SLC9A9: variants seen among roughly 807,000 people sequenced by gnomAD.
SLC9A9 encodes sodium/hydrogen exchanger 9.
A neutral mutation model predicts 77.8 loss-of-function variants in SLC9A9; 62 were observed. The ratio of observed to expected loss-of-function variants is 0.80; its 90% CI spans 0.65 to 0.98. The LOEUF (loss-of-function observed/expected upper bound fraction) is 0.98, where lower values mean the gene tolerates loss of function less well. Ranked by LOEUF, SLC9A9 falls within the 50% of genes least tolerant of loss-of-function variation. SLC9A9 has a pLI of 0.00. For synonymous variants in SLC9A9, 320 were observed against 283.5 expected, an observed-to-expected ratio of 1.13 and a Z score of -1.29; for missense variants, 775 against 774.9, an observed-to-expected ratio of 1.00 and a Z score of 0.00.
At chr3:143,568,285 T>G (rs1024668527) in intron 8 of SLC9A9, among the ~76,000 whole-genome samples, 3 of 152,100 alleles carry the variant, frequency 2.0e-5, no homozygotes, top group African/African-American at 7.2e-5. Flanking sequence ...TCAGATGTCC[T>G]AATTCTCTTT....
intron 12 of SLC9A9, among the ~76,000 whole-genome samples, chr3:143,400,622 A>T (rs1186441194): frequency 6.6e-6 from 1 of 151,940 alleles, no homozygotes; most frequent in Non-Finnish European, 1.5e-5. Flanking sequence ...AAATCTCACA[A>T]ATCACCACAA....
intron 9 of SLC9A9, among the ~76,000 whole-genome samples, chr3:143,540,492 A>G (rs2036669522): frequency 6.6e-6 from 1 of 152,210 alleles, no homozygotes; most frequent in Non-Finnish European, 1.5e-5. Flanking sequence ...TCCTCTGTTA[A>G]GGGGACAGGG....
At chr3:143,574,429 A>T (rs1647827625) in intron 7 of SLC9A9, among the ~76,000 whole-genome samples, 1 of 152,184 alleles carries the variant, frequency 6.6e-6, no homozygotes, top group Non-Finnish European at 1.5e-5. Context: ...TGTTCAGATT[A>T]AAAAGGTGTC....
At chr3:143,527,017 T>C (rs2036419151) in intron 9 of SLC9A9, among the ~76,000 whole-genome samples, 1 of 152,188 alleles carries the variant, frequency 6.6e-6, no homozygotes, top group South Asian at 2.1e-4. Context: ...GAGAGCTCTA[T>C]TCTTATTTTA....
chr3:143,541,786 T>C (rs1194446499), intron 9 of SLC9A9, among the ~76,000 whole-genome samples: 2 of 152,222 alleles, frequency 1.3e-5, no homozygotes, highest in African/African-American at 2.4e-5. Context: ...TTTCATGACT[T>C]AAAATTTCCA....
chr3:143,404,063 T>C (rs925320839), intron 12 of SLC9A9, among the ~76,000 whole-genome samples: 4 of 152,178 alleles, frequency 2.6e-5, no homozygotes, highest in African/African-American at 7.2e-5. Context: ...TCAAGTTCAC[T>C]GACTATTTCT....
chr3:143,451,858 T>C (rs535364291), intron 12 of SLC9A9, among the ~76,000 whole-genome samples: 1 of 152,220 alleles, frequency 6.6e-6, no homozygotes, highest in African/African-American at 2.4e-5. Context: ...CATGATATGA[T>C]TGGCAAATAT....
chr3:143,356,827 C>T (rs2032605551), intron 14 of SLC9A9, among the ~76,000 whole-genome samples: 1 of 152,146 alleles, frequency 6.6e-6, no homozygotes, highest in Admixed American at 6.5e-5. Flanking sequence ...TTTCAGGAAG[C>T]TTTAATTCCA....
intron 4 of SLC9A9, among the ~76,000 whole-genome samples, chr3:143,745,672 G>A (rs1935184219): frequency 6.6e-6 from 1 of 152,094 alleles, no homozygotes; most frequent in Non-Finnish European, 1.5e-5. Flanking sequence ...GAGCCATATA[G>A]GTTTTGAATT....
intron 14 of SLC9A9, among the ~76,000 whole-genome samples, chr3:143,361,382 T>A (rs1399612588): frequency 6.6e-6 from 1 of 152,188 alleles, no homozygotes; most frequent in Non-Finnish European, 1.5e-5. Context: ...GAGGGGCTAA[T>A]CTCTACACTG....
chr3:143,517,229 G>A, intron 9 of SLC9A9: 2 of 1,261,144 alleles, frequency 1.6e-6, no homozygotes, highest in Non-Finnish European at 2.3e-6. Flanking sequence ...ATCCTGGAAG[G>A]CCACCATAAC....
intron 2 of SLC9A9, among the ~76,000 whole-genome samples, chr3:143,804,269 G>A (rs1404576641): frequency 6.6e-6 from 1 of 152,100 alleles, no homozygotes; most frequent in Admixed American, 6.5e-5. Flanking sequence ...CACTTACCCT[G>A]TATTTCACTC....
chr3:143,574,046 A>T, intron 8 of SLC9A9, 42 bp downstream of exon 8: 1 of 1,549,862 alleles, frequency 6.5e-7, no homozygotes, highest in East Asian at 2.3e-5. Flanking sequence ...AGCCACACAC[A>T]TATTCACACA....
At chr3:143,313,696 C>A (rs1416849848) in intron 14 of SLC9A9, among the ~76,000 whole-genome samples, 1 of 152,182 alleles carries the variant, frequency 6.6e-6, no homozygotes, top group Non-Finnish European at 1.5e-5. Context: ...AATCTTTTGA[C>A]CTCTTGGCTT....
rs1385931351 is a variant in SLC9A9, at chr3:143,658,875, C to T, written c.650-6515G>A. On this transcript the variant is annotated intron_variant, in intron 5 of 15. Coordinates refer to ENST00000316549, the MANE Select transcript of SLC9A9 (RefSeq NM_173653.4). ...TCCAGGTGGGGAATGTTTTCCAGGTCTTGTATCTGGGAACTTATGGACTGA... is the reference window on the plus strand; with the variant it reads ...TCCAGGTGGGGAATGTTTTCCAGGTTTTGTATCTGGGAACTTATGGACTGA... Among the ~76,000 whole-genome samples the T allele has an allele frequency of 2.0e-5, 3 of 152,162 alleles. No individual in the cohort carries two copies. The East Asian group carries it at 5.8e-4, about 29-fold the overall frequency.
intron 13 of SLC9A9, among the ~76,000 whole-genome samples, chr3:143,365,630 C>A (rs747802507): frequency 6.6e-6 from 1 of 152,114 alleles, no homozygotes; most frequent in African/African-American, 2.4e-5. Context: ...GAGTGCCATG[C>A]CTTGTTATCT....
intron 4 of SLC9A9, among the ~76,000 whole-genome samples, chr3:143,774,271 A>G (rs905285845): frequency 2.0e-5 from 3 of 152,200 alleles, no homozygotes; most frequent in African/African-American, 7.2e-5. Flanking sequence ...ATGTCTGGGA[A>G]AGGTGTGTGG....
intron 14 of SLC9A9, among the ~76,000 whole-genome samples, chr3:143,350,963 T>C (rs762692682): frequency 6.6e-5 from 10 of 152,330 alleles, no homozygotes; most frequent in Non-Finnish European, 1.2e-4. Flanking sequence ...AAACCCAGAA[T>C]TGAGGGCTCT....
chr3:143,503,393 A>C (rs1192841517), intron 9 of SLC9A9: 3 of 311,192 alleles, frequency 9.6e-6, no homozygotes, highest in African/African-American at 4.5e-5. Flanking sequence ...CCCAGCATCA[A>C]AAGTGGAAGA....
Sources: allele counts gnomAD v4.1 joint callset (sites outside exome capture counted in the v4.1 genomes callset), GRCh38; gene constraint gnomAD v4.1.1; transcripts MANE v1.5; gene names NCBI Gene and HGNC (gene_info 2026-07-23, HGNC 2026-07-21).